The following SAXO4 variants were observed in gnomAD, a reference collection of about 807,000 sequenced individuals.
SAXO4 encodes protein phosphatase 1 regulatory subunit 32.
the SAXO4 span, among the ~76,000 whole-genome samples, chr11:61,483,162 TTC>T: frequency 6.8e-6 from 1 of 147,752 alleles, no homozygotes; most frequent in Non-Finnish European, 1.5e-5. Flanking sequence ...TCATTTCTTT[TTC>T]TTTTTTTTTT....
the SAXO4 span, chr11:61,489,316 G>T: frequency 4.4e-6 from 1 of 227,080 alleles, no homozygotes; most frequent in East Asian, 1.0e-4. Flanking sequence ...CCTGGTGCGC[G>T]CAGAGCCCCG....
the SAXO4 span, chr11:61,481,845 T>A: frequency 6.5e-7 from 1 of 1,542,952 alleles, no homozygotes; most frequent in Non-Finnish European, 8.6e-7. Context: ...TCGTCTCCCC[T>A]TATGTGAAGA....
chr11:61,485,911 TG>T, the SAXO4 span: 1 of 1,609,308 alleles, frequency 6.2e-7, no homozygotes, highest in Non-Finnish European at 8.5e-7. Flanking sequence ...CTGGGGACCC[TG>T]TAAGTCGGCT....
the SAXO4 span, among the ~76,000 whole-genome samples, chr11:61,488,017 C>T: frequency 7.0e-6 from 1 of 143,772 alleles, no homozygotes; most frequent in Admixed American, 7.1e-5. Context: ...GATGGAGTTT[C>T]ACTCTGTCGC....
At chr11:61,489,351 T>G in the SAXO4 span, 1 of 328,646 alleles carries the variant, frequency 3.0e-6, no homozygotes. Flanking sequence ...GATTCCTGCA[T>G]TGATCTGTCT....
At chr11:61,490,256 G>A in the SAXO4 span, among the ~76,000 whole-genome samples, 136 of 152,266 alleles carry the variant, frequency 8.9e-4, no homozygotes, top group Middle Eastern at 6.8e-3. Context: ...ATGCGGGGAC[G>A]GATCCAGAGA....
At chr11:61,487,142 G>T in the SAXO4 span, 2 of 1,613,592 alleles carry the variant, frequency 1.2e-6, no homozygotes, top group East Asian at 2.2e-5. Context: ...CCCCTCTTGT[G>T]CAGGAGCCCA....
At chr11:61,484,077 A>G in the SAXO4 span, among the ~76,000 whole-genome samples, 1 of 151,888 alleles carries the variant, frequency 6.6e-6, no homozygotes, top group East Asian at 1.9e-4. Flanking sequence ...TCTCTACCAA[A>G]AAAATACAAA....
At chr11:61,490,687 G>A in the SAXO4 span, 2 of 1,046,902 alleles carry the variant, frequency 1.9e-6, no homozygotes, top group East Asian at 4.8e-5. Flanking sequence ...GTCCTGCCTG[G>A]GGACCCCCCT....
At chr11:61,489,888 A>G in the SAXO4 span, 5 of 1,613,948 alleles carry the variant, frequency 3.1e-6, no homozygotes, top group South Asian at 4.4e-5. Flanking sequence ...GGTCAGCTGC[A>G]TGGAGGCCAC....
At chr11:61,485,707 C>T in the SAXO4 span, 2 of 961,860 alleles carry the variant, frequency 2.1e-6, no homozygotes, top group Admixed American at 2.0e-5. Flanking sequence ...TCTTGGGATC[C>T]ACTCCCTCTG....
chr11:61,487,083 C>G, the SAXO4 span: 1 of 1,611,610 alleles, frequency 6.2e-7, no homozygotes, highest in South Asian at 1.1e-5. Context: ...TACACCTAGC[C>G]TCCACCCCCA....
the SAXO4 span, among the ~76,000 whole-genome samples, chr11:61,488,190 T>C: frequency 2.5e-3 from 386 of 152,108 alleles, 2 homozygotes; most frequent in African/African-American, 9.0e-3. Flanking sequence ...TTTCGCCATG[T>C]TGGCCCGGCT....
At chr11:61,490,845 T>G in the SAXO4 span, 1 of 537,612 alleles carries the variant, frequency 1.9e-6, no homozygotes, top group African/African-American at 1.9e-5. Flanking sequence ...GGAGCCAGGC[T>G]ACTGTCTGTA....
chr11:61,486,240 C>T, the SAXO4 span: 1 of 1,231,048 alleles, frequency 8.1e-7, no homozygotes, highest in South Asian at 1.3e-5. Context: ...CTGAGTCCTC[C>T]TCTGTGCTCA....
the SAXO4 span, among the ~76,000 whole-genome samples, chr11:61,488,307 T>TTC: frequency 6.8e-6 from 1 of 147,444 alleles, no homozygotes; most frequent in East Asian, 2.0e-4. Context: ...ATTCCTTTTT[T>TTC]TTTTTTTTTT....
At chr11:61,490,906 G>T in the SAXO4 span, 16 of 357,204 alleles carry the variant, frequency 4.5e-5, no homozygotes, top group Admixed American at 6.7e-4. Flanking sequence ...CTTTCCTAAT[G>T]AAATAAAGAG....
At chr11:61,486,413 G>C in the SAXO4 span, 1 of 1,614,156 alleles carries the variant, frequency 6.2e-7, no homozygotes, top group East Asian at 2.2e-5. Context: ...TGTAAGCTGA[G>C]CTAGGGGGAG....
the SAXO4 span, chr11:61,490,883 C>T: frequency 2.3e-6 from 1 of 441,816 alleles, no homozygotes; most frequent in Non-Finnish European, 4.1e-6. Context: ...AGGGGAACAC[C>T]CCTGCCCAGC....
Sources: gnomAD v4.1 joint callset for allele counts (sites outside exome capture counted in the v4.1 genomes callset) on GRCh38, gnomAD v4.1.1 for gene constraint, MANE v1.5 for transcripts, NCBI Gene and HGNC (gene_info 2026-07-23, HGNC 2026-07-21) for gene names.